GRIK1: variants seen among roughly 807,000 people sequenced by gnomAD.
GRIK1 encodes glutamate receptor ionotropic, kainate 1.
A neutral mutation model predicts 105.7 loss-of-function variants in GRIK1; 69 were observed. That is an observed-to-expected ratio of 0.65 (90% CI 0.54 to 0.80). The LOEUF is 0.80. GRIK1 is among the 30% of genes least tolerant of loss of function. The pLI, the probability that GRIK1 is intolerant of heterozygous loss-of-function variation, is 0.00. For missense variants in GRIK1, 1,109 were observed against 1,167.3 expected (o/e 0.95, Z 0.73); for synonymous variants, 438 against 431.3 (o/e 1.02, Z -0.19).
chr21:29,923,794 C>T (rs769157261), intron 1 of GRIK1, among the ~76,000 whole-genome samples: 4 of 152,040 alleles, frequency 2.6e-5, no homozygotes, highest in Non-Finnish European at 5.9e-5. Context: ...TCAATAGTCC[C>T]GTTAGATAAA....
At chr21:29,882,961 C>A (rs928733858) in intron 1 of GRIK1, among the ~76,000 whole-genome samples, 3 of 152,154 alleles carry the variant, frequency 2.0e-5, no homozygotes, top group African/African-American at 7.2e-5. Context: ...TTCTTTCCAA[C>A]CAGCCCCCAA....
intron 14 of GRIK1, among the ~76,000 whole-genome samples, chr21:29,566,953 C>A (rs568649071): frequency 6.6e-6 from 1 of 152,182 alleles, no homozygotes; most frequent in Non-Finnish European, 1.5e-5. Flanking sequence ...AATGTTTCCA[C>A]AGAATTAACA....
intron 1 of GRIK1, among the ~76,000 whole-genome samples, chr21:29,707,802 C>T (rs1394906731): frequency 1.3e-5 from 2 of 151,910 alleles, no homozygotes; most frequent in Non-Finnish European, 2.9e-5. Flanking sequence ...CTATTTTCTC[C>T]TGTCATTTTC....
At chr21:29,814,720 C>T (rs765357016) in intron 1 of GRIK1, among the ~76,000 whole-genome samples, 1 of 152,102 alleles carries the variant, frequency 6.6e-6, no homozygotes, top group African/African-American at 2.4e-5. Context: ...ATCTTTAAAT[C>T]CTTTGGATGT....
chr21:29,709,563 A>T (rs920503013), intron 1 of GRIK1, among the ~76,000 whole-genome samples: 2 of 152,132 alleles, frequency 1.3e-5, no homozygotes, highest in African/African-American at 4.8e-5. Flanking sequence ...TGTTGAGAAT[A>T]TCATTAAACT....
intron 1 of GRIK1, among the ~76,000 whole-genome samples, chr21:29,725,007 TAAAAAA>T (rs76948130): frequency 8.9e-6 from 1 of 112,056 alleles, no homozygotes; most frequent in African/African-American, 3.0e-5. Flanking sequence ...CTTTGCCACC[TAAAAAA>T]AAAAAAAAAA....
intron 4 of GRIK1, 82 bp downstream of exon 4, chr21:29,672,901 T>C: frequency 2.1e-6 from 2 of 958,080 alleles, no homozygotes; most frequent in Middle Eastern, 2.2e-4. Context: ...TTATGCTGCA[T>C]TAAGTGAAAA....
intron 9 of GRIK1, among the ~76,000 whole-genome samples, chr21:29,593,107 C>T (rs969987764): frequency 6.6e-6 from 1 of 152,194 alleles, no homozygotes; most frequent in Admixed American, 6.5e-5. Flanking sequence ...GACTATTACA[C>T]GTTCACACAT....
At chr21:29,695,872 G>A (rs527733848) in intron 1 of GRIK1, among the ~76,000 whole-genome samples, 45 of 152,006 alleles carry the variant, frequency 3.0e-4, no homozygotes, top group Admixed American at 7.2e-4. Flanking sequence ...TGATTTACAA[G>A]TGCTCTCAGT....
chr21:29,821,040 A>G (rs1038355263), intron 1 of GRIK1, among the ~76,000 whole-genome samples: 11 of 147,504 alleles, frequency 7.5e-5, no homozygotes, highest in African/African-American at 2.7e-4. Flanking sequence ...AGGAGCACCA[A>G]CCCTCCCAAC....
intron 7 of GRIK1, chr21:29,630,514 A>G (rs2062242835): frequency 2.1e-6 from 1 of 471,672 alleles, no homozygotes; most frequent in African/African-American, 2.0e-5. Context: ...TAGAAAACAG[A>G]GATTTGCTCT....
intron 1 of GRIK1, among the ~76,000 whole-genome samples, chr21:29,768,579 C>G (rs926909582): frequency 6.6e-6 from 1 of 152,156 alleles, no homozygotes; most frequent in Non-Finnish European, 1.5e-5. Flanking sequence ...TCACTCCCAT[C>G]GGTTAAGAAT....
At chr21:29,837,767 C>T (rs1445254032) in intron 1 of GRIK1, among the ~76,000 whole-genome samples, 1 of 152,060 alleles carries the variant, frequency 6.6e-6, no homozygotes, top group Non-Finnish European at 1.5e-5. Context: ...AAAAACTTAC[C>T]GTTTAGTAAA....
intron 1 of GRIK1, among the ~76,000 whole-genome samples, chr21:29,876,394 A>G (rs1284362822): frequency 6.6e-6 from 1 of 152,066 alleles, no homozygotes. Context: ...TTATAGGAAT[A>G]TATTTGTGTC....
intron 14 of GRIK1, among the ~76,000 whole-genome samples, chr21:29,573,741 C>T (rs1186687460): frequency 6.6e-6 from 1 of 151,330 alleles, no homozygotes; most frequent in Non-Finnish European, 1.5e-5. Flanking sequence ...CCCAGCTACT[C>T]GGGGGGCTGA....
At chr21:29,905,961 G>GTTTT (rs1414639705) in intron 1 of GRIK1, among the ~76,000 whole-genome samples, 5 of 151,526 alleles carry the variant, frequency 3.3e-5, no homozygotes, top group South Asian at 2.1e-4. Flanking sequence ...TTGTTTGTTT[G>GTTTT]TTTTAAATAT....
chr21:29,833,767 C>CCA (rs758597963), intron 1 of GRIK1, among the ~76,000 whole-genome samples: 11 of 151,872 alleles, frequency 7.2e-5, no homozygotes, highest in African/African-American at 9.7e-5. Context: ...CATACACACA[C>CCA]CACACACACA....
At chr21:29,819,944 A>T (rs2067253215) in intron 1 of GRIK1, among the ~76,000 whole-genome samples, 1 of 152,078 alleles carries the variant, frequency 6.6e-6, no homozygotes, top group South Asian at 2.1e-4. Context: ...ACTGAGACTA[A>T]GATGAGTCTG....
intron 1 of GRIK1, among the ~76,000 whole-genome samples, chr21:29,741,178 A>T (rs953426477): frequency 1.3e-5 from 2 of 152,156 alleles, no homozygotes; most frequent in Non-Finnish European, 2.9e-5. Context: ...ACAATTTGCA[A>T]CCTTTTAAAA....
Sources: allele counts gnomAD v4.1 joint callset (sites outside exome capture counted in the v4.1 genomes callset), GRCh38; gene constraint gnomAD v4.1.1; transcripts MANE v1.5; gene names NCBI Gene and HGNC (gene_info 2026-07-23, HGNC 2026-07-21).